TRAPPC11: variants seen among roughly 807,000 people sequenced by gnomAD.
TRAPPC11 encodes the protein trafficking protein particle complex subunit 11.
In TRAPPC11, 104 loss-of-function variants were observed where a neutral mutation model predicts 151.2. That is an observed-to-expected ratio of 0.69 (90% CI 0.59 to 0.81). The LOEUF (loss-of-function observed/expected upper bound fraction) is 0.81. Among genes scored for constraint, TRAPPC11 ranks in the 30% least tolerant of loss-of-function variants. The pLI, the probability that TRAPPC11 is intolerant of heterozygous loss-of-function variation, is 0.00. For synonymous variants in TRAPPC11, 456 were observed against 472.3 expected, an observed-to-expected ratio of 0.97 and a Z score of 0.45; for missense variants, 1,230 against 1,349.6, an observed-to-expected ratio of 0.91 and a Z score of 1.39.
At chr4:183,662,246 C>T (rs1327084328) in intron 1 of TRAPPC11, among the ~76,000 whole-genome samples, 1 of 150,500 alleles carries the variant, frequency 6.6e-6, no homozygotes, top group Non-Finnish European at 1.5e-5. Context: ...GTCCCAGCTA[C>T]TAGGGAGGCT....
intron 1 of TRAPPC11, among the ~76,000 whole-genome samples, chr4:183,661,361 CT>C (rs139201416): frequency 0.2 from 15,649 of 79,212 alleles, 158 homozygotes; most frequent in Admixed American, 0.22. Context: ...TGTAGATTAC[CT>C]TTTTTTTTTT....
At chr4:183,664,157 A>T in intron 2 of TRAPPC11, 86 bp downstream of exon 2, 1 of 1,234,336 alleles carries the variant, frequency 8.1e-7, no homozygotes, top group Non-Finnish European at 1.2e-6. Context: ...GTGTGTGTGG[A>T]GTTTATCAAG....
intron 8 of TRAPPC11, among the ~76,000 whole-genome samples, chr4:183,678,038 A>G (rs1735499645): frequency 6.6e-6 from 1 of 151,252 alleles, no homozygotes; most frequent in African/African-American, 2.4e-5. Flanking sequence ...TCCTGGGTTC[A>G]AGCAATTCTT....
intron 5 of TRAPPC11, 92 bp from the exon 6 acceptor site, chr4:183,674,621 C>T (rs1009385489): frequency 1.5e-6 from 1 of 647,218 alleles, no homozygotes; most frequent in Non-Finnish European, 2.6e-6. Flanking sequence ...ATTTCTGTCA[C>T]CATTTTACTT....
In TRAPPC11 at chr4:183,697,540, A is replaced by C. The variant is rs1311201552; in HGVS notation, c.2666A>C (p.Asp889Ala). ...ACAATTGAAACAGTCTTTCCATTTG[A>C]TGTTGCGGTTAAATTTGTTTCTACC... ...TVTIETVFPF[D>A]VAVKFVSTKF... The change falls in exon 24 of 30, where the codon GAT becomes GCT. Residue 889 changes from aspartate to alanine, a missense_variant. Coordinates refer to ENST00000334690, the MANE Select transcript of TRAPPC11 (RefSeq NM_021942.6). 8 of 1,604,886 alleles carry C rather than the reference A, an allele frequency of 5.0e-6. No individual in the cohort carries two copies. The highest frequency in any genetic ancestry group is 3.5e-5 in the Admixed American group (2 of 56,638).
chr4:183,684,105 A>G (rs1214677200), intron 12 of TRAPPC11, 40 bp from the exon 13 acceptor site: 1 of 1,605,208 alleles, frequency 6.2e-7, no homozygotes, highest in Non-Finnish European at 8.5e-7. Flanking sequence ...TAAGAAAAAT[A>G]TTTGTATTGA....
At chr4:183,671,469 G>GGGCTCCTGCTT (rs1008366965) in intron 5 of TRAPPC11, among the ~76,000 whole-genome samples, 18 of 152,138 alleles carry the variant, frequency 1.2e-4, no homozygotes, top group African/African-American at 4.3e-4. Context: ...AGCCCCAACT[G>GGGCTCCTGCTT]CTGCTCCTGC....
chr4:183,668,099 T>C lies in TRAPPC11; in HGVS notation c.542T>C (p.Leu181Pro). 1 of 1,607,230 alleles carries C rather than the reference T, an allele frequency of 6.2e-7. No individual in the cohort carries two copies. Among genetic ancestry groups the C allele is most frequent in the Non-Finnish European group, 8.5e-7 (1 of 1,175,198 alleles). Reference protein sequence around the residue: ...SLFVLPHTDHLVGYIIRLENA... With the variant: ...SLFVLPHTDHPVGYIIRLENA... The stretch of plus-strand genomic sequence containing the variant: ...TTTGTACTGCCGCACACTGACCACC[T>C]TGTGGGTTATATTATAAGGTAAGTA... Residue 181 changes from leucine to proline, a missense_variant, in exon 5 of 30, where the codon CTT becomes CCT. Transcript: ENST00000334690.
intron 1 of TRAPPC11, among the ~76,000 whole-genome samples, chr4:183,661,143 T>C (rs1734491759): frequency 6.6e-6 from 1 of 152,070 alleles, no homozygotes; most frequent in South Asian, 2.1e-4. Context: ...AAACAATCTG[T>C]TGTAGACATT....
chr4:183,693,735 C>G lies in TRAPPC11; in HGVS notation c.2384C>G (p.Pro795Arg). 1 of 1,612,942 alleles carries G rather than the reference C, an allele frequency of 6.2e-7. No homozygotes were observed. The highest frequency in any genetic ancestry group is 8.5e-7 in the Non-Finnish European group (1 of 1,179,668). Residue 795 changes from proline to arginine, a missense_variant and splice_region_variant, in exon 21 of 30, where the codon CCA (proline) becomes CGA (arginine). Physicochemically the swap from Pro to Arg is moderately radical, Grantham distance 103. Transcript: ENST00000334690. ...GTGAAGCTCACCGCTGGCTTAAAAC[C>G]AGGTAAGCATTCCTTTTTGTAAGTT... ...RDVKLTAGLK[P>R]GQDANLTQKT...
chr4:183,683,929 A>G lies in TRAPPC11; in HGVS notation c.1208-46A>G, dbSNP rs771203553. 1.5e-5 allele frequency: 22 copies of G among 1,458,066 alleles called. No individual in the cohort carries two copies. In the South Asian group the frequency reaches 2.5e-4, roughly 17 times the overall value. 90.3% of individuals were successfully genotyped at this position (1,458,066 alleles called of 1,614,324 possible). ...ACATACAACGTTCATATGAAGATTT[A>G]TATTAAATGAGCTGTCTAAAATGAG... On this transcript the variant is annotated intron_variant, in intron 11 of 29. Coordinates refer to ENST00000334690, the MANE Select transcript of TRAPPC11 (RefSeq NM_021942.6).
intron 29 of TRAPPC11, among the ~76,000 whole-genome samples, chr4:183,709,508 G>A (rs1445935213): frequency 6.6e-6 from 1 of 152,174 alleles, no homozygotes; most frequent in African/African-American, 2.4e-5. Flanking sequence ...TGGCGCAGTG[G>A]CTCACACCTG....
At chr4:183,680,310 T>A (rs755432336) in intron 10 of TRAPPC11, 43 bp downstream of exon 10, 10 of 1,587,350 alleles carry the variant, frequency 6.3e-6, no homozygotes, top group Non-Finnish European at 4.3e-6. Context: ...AGAAAAGTTA[T>A]TCTTCTTTTG....
In TRAPPC11 at chr4:183,692,972, G is replaced by T; in HGVS notation, c.2062G>T (p.Asp688Tyr). ...TTTTTCTTTTTAGATTACTTCAGTG[G>T]ATCTTGCTCTGGGCAATGAGACGGG... is the stretch of plus-strand genomic sequence containing the variant. ...VGKKIEITSV[D>Y]LALGNETGRC... Residue 688 changes from aspartate to tyrosine, a missense_variant, in exon 20 of 30, where the codon GAT becomes TAT. Coordinates refer to ENST00000334690, the MANE Select transcript of TRAPPC11 (RefSeq NM_021942.6). 1.2e-6 allele frequency: 2 copies of T among 1,605,248 alleles called. No homozygotes were observed. Among genetic ancestry groups the T allele is most frequent in the Non-Finnish European group, 1.7e-6 (2 of 1,175,780 alleles).
intron 20 of TRAPPC11, 142 bp downstream of exon 20, chr4:183,693,289 T>C (rs1257543518): frequency 1.2e-6 from 1 of 836,776 alleles, no homozygotes; most frequent in Non-Finnish European, 1.8e-6. Context: ...CCACCTGAGC[T>C]CAAACCATCC....
chr4:183,710,977 G>C (rs1410756711), intron 29 of TRAPPC11, among the ~76,000 whole-genome samples: 7 of 151,972 alleles, frequency 4.6e-5, no homozygotes, highest in African/African-American at 1.7e-4. Flanking sequence ...GTTGCAGTGA[G>C]GTGAGACCAT....
rs1407334171 is a variant in TRAPPC11, at chr4:183,686,745, T to C, written c.1890T>C (p.Asn630=). 1 of 1,613,920 alleles carries C rather than the reference T, an allele frequency of 6.2e-7. No individual in the cohort carries two copies. Among genetic ancestry groups the C allele is most frequent in the Non-Finnish European group, 8.5e-7 (1 of 1,179,956 alleles). Residue 630 remains asparagine, a synonymous_variant, in exon 18 of 30, where the codon AAT becomes AAC. Transcript: ENST00000334690. ...CCAAGCTCTGTGTCAGCTTTAATAA[T>C]CAGGTAATGATGCCATGTCATGTGT... ...RFSKLCVSFN[N]QEYNQFCVIE...
At chr4:183,675,277 A>G (rs1410151191) in intron 7 of TRAPPC11, 40 bp downstream of exon 7, 26 of 1,263,460 alleles carry the variant, frequency 2.1e-5, no homozygotes, top group Non-Finnish European at 2.7e-5. Context: ...CTATTTTTAT[A>G]TTAACAATAA....
rs193252585 is a variant in TRAPPC11 at position 183,661,485 on chromosome 4, C to T, written c.-22+2038C>T. On this transcript the variant is annotated intron_variant, in intron 1 of 29. Transcript: ENST00000334690. ...CTCCCGGGTTCACGCCATTCTCCTG[C>T]CTCAGCCTCCCGAGTAGCTGGGACT... 5.7e-3 allele frequency among the ~76,000 whole-genome samples: 860 copies of T among 149,724 alleles called. 7 individuals are homozygous for T. Among genetic ancestry groups the T allele is most frequent in the Admixed American group, 8.1e-3 (119 of 14,656 alleles).
Sources: allele counts gnomAD v4.1 joint callset (sites outside exome capture counted in the v4.1 genomes callset), GRCh38; gene constraint gnomAD v4.1.1; transcripts MANE v1.5; gene names NCBI Gene and HGNC (gene_info 2026-07-23, HGNC 2026-07-21).